PEX5: variants seen among roughly 807,000 people sequenced by gnomAD.
PEX5 encodes the protein peroxisomal biogenesis factor 5, also known as PTS1 receptor.
In PEX5, 52 loss-of-function variants were observed where a neutral mutation model predicts 82.9. The ratio of observed to expected loss-of-function variants is 0.63; its 90% CI spans 0.50 to 0.79. The LOEUF is 0.79. Among genes scored for constraint, PEX5 ranks in the 30% least tolerant of loss-of-function variants. The probability of loss-of-function intolerance (pLI) is 0.00; values close to 1 mark genes in which losing one functional copy is unlikely to be tolerated. For synonymous variants in PEX5, 300 were observed against 318.8 expected (o/e 0.94, Z 0.63); for missense variants, 719 against 815.2 (o/e 0.88, Z 1.44).
chr12:7,197,364 A>C lies in PEX5; in HGVS notation c.449-1647A>C, dbSNP rs1380035534. ...TATATATGTCATATACAATGTAATA[A>C]TTATATATGTCATATACAATGTAAT... On this transcript the variant is annotated intron_variant, in intron 5 of 15. Transcript: ENST00000675855. 5.8e-4 allele frequency among the ~76,000 whole-genome samples: 44 copies of C among 75,626 alleles called. No homozygotes were observed. The South Asian group carries it at 8.3e-3, about 14-fold the overall frequency. 49.6% of individuals were successfully genotyped at this position (75,626 alleles called of 152,430 possible).
In PEX5 at chr12:7,190,418, C is replaced by T. The variant is rs768332537; in HGVS notation, c.41C>T (p.Ala14Val). 2 of 1,614,188 alleles carry T rather than the reference C, an allele frequency of 1.2e-6. No individual in the cohort carries two copies. The highest frequency in any genetic ancestry group is 2.2e-5 in the East Asian group (1 of 44,860). ...RELVEAECGG[A>V]NPLMKLAGHF... ...CTGGTGGAGGCCGAATGCGGGGGTG[C>T]CAACCCGCTCATGAAGCTCGCCGGG... The change falls in exon 2 of 16, where the codon GCC (alanine) becomes GTC (valine). Residue 14 changes from alanine to valine, a missense_variant. Physicochemically the swap from Ala to Val is moderately conservative, Grantham distance 64. Coordinates refer to ENST00000675855, the MANE Select transcript of PEX5 (RefSeq NM_001351132.2).
chr12:7,202,607 C>G lies in PEX5; in HGVS notation c.754-5C>G. 2 of 1,612,878 alleles carry G rather than the reference C, an allele frequency of 1.2e-6. No individual in the cohort carries two copies. The highest frequency in any genetic ancestry group is 1.7e-6 in the Non-Finnish European group (2 of 1,179,034). On this transcript the variant is annotated splice_region_variant and splice_polypyrimidine_tract_variant and intron_variant, in intron 8 of 15. Coordinates refer to ENST00000675855, the MANE Select transcript of PEX5 (RefSeq NM_001351132.2). Reference sequence around the variant, plus strand: ...AGTGGTACTGACCATCCTTTTTTGTCGCAGGGTACATCAGATGCCTGGGTT... The same window carrying G: ...AGTGGTACTGACCATCCTTTTTTGTGGCAGGGTACATCAGATGCCTGGGTT...
rs765228249 is a variant in PEX5, at chr12:7,198,712, C to G, written c.449-299C>G. ...CGCTTCCTATTTCTTATTGAAATAT[C>G]TTGCACTTCAAGAAAAAGAGTTTGG... On this transcript the variant is annotated intron_variant, in intron 5 of 15. Coordinates refer to ENST00000675855, the MANE Select transcript of PEX5 (RefSeq NM_001351132.2). 1.2e-4 allele frequency among the ~76,000 whole-genome samples: 18 copies of G among 152,306 alleles called. 1 individual carries two copies. The highest frequency in any genetic ancestry group is 4.1e-4 in the African/African-American group (17 of 41,560).
At chr12:7,198,982 T>C (rs1329187256) in intron 5 of PEX5, 29 bp from the exon 6 acceptor site, 4 of 1,269,500 alleles carry the variant, frequency 3.2e-6, no homozygotes, top group Non-Finnish European at 4.6e-6. Context: ...TGAACCTGTG[T>C]GATTTCCCCA....
intron 5 of PEX5, among the ~76,000 whole-genome samples, chr12:7,194,821 T>C (rs1432889860): frequency 6.6e-6 from 1 of 152,230 alleles, no homozygotes; most frequent in African/African-American, 2.4e-5. Context: ...AGATCTTTTC[T>C]GGATGTTGGA....
Position 7,202,624 on chromosome 12 carries a change from G to A in PEX5, c.766G>A (p.Ala256Thr). ...TTTTTTGTCGCAGGGTACATCAGAT[G>A]CCTGGGTTGACCAGTTCACAAGACC... The part of the protein sequence containing the change: ...EFIQQQGTSD[A>T]WVDQFTRPVN... Residue 256 changes from alanine to threonine, a missense_variant, in exon 9 of 16, where the codon GCC becomes ACC. Coordinates refer to ENST00000675855, the MANE Select transcript of PEX5 (RefSeq NM_001351132.2). The A allele has an allele frequency of 1.2e-6, 2 of 1,614,058 alleles. No homozygotes were observed. Among genetic ancestry groups the A allele is most frequent in the Non-Finnish European group, 1.7e-6 (2 of 1,179,928 alleles).
chr12:7,208,683 G>T lies in PEX5; in HGVS notation c.1394+14G>T, dbSNP rs756329980. On this transcript the variant is annotated intron_variant, in intron 13 of 15. Coordinates refer to ENST00000675855, the MANE Select transcript of PEX5 (RefSeq NM_001351132.2). ...TCTCTTGTCTGAGTGAGTATGAGGG[G>T]TTCCTAGGATGAGGAATTACAGTAA... 7 of 1,599,692 alleles carry T rather than the reference G, an allele frequency of 4.4e-6. No individual in the cohort carries two copies. The highest frequency in any genetic ancestry group is 6.0e-6 in the Non-Finnish European group (7 of 1,167,412).
chr12:7,199,779 G>A (rs1383270085), intron 6 of PEX5, among the ~76,000 whole-genome samples: 2 of 151,110 alleles, frequency 1.3e-5, no homozygotes, highest in East Asian at 2.0e-4. Flanking sequence ...CAGTAGGGGC[G>A]GCCGGGCAGA....
rs140063691 is a variant in PEX5 at position 7,201,197 on chromosome 12, A to G, written c.552-554A>G. Among the ~76,000 whole-genome samples the G allele has an allele frequency of 3.5e-3, 526 of 152,106 alleles. 3 individuals carry two copies. Among genetic ancestry groups the G allele is most frequent in the African/African-American group, 0.012 (499 of 41,498 alleles). On this transcript the variant is annotated intron_variant, in intron 6 of 15. Coordinates refer to ENST00000675855, the MANE Select transcript of PEX5 (RefSeq NM_001351132.2). ...CACATATGTACACACGCATACATAC[A>G]CATACATGTGCACATACATGTATAT...
intron 6 of PEX5, among the ~76,000 whole-genome samples, chr12:7,200,671 C>T (rs868166185): frequency 0.011 from 1,717 of 152,212 alleles, 27 homozygotes; most frequent in African/African-American, 0.038. Flanking sequence ...GCGGATCACT[C>T]GCGGTTAGGA....
downstream of PEX5, among the ~76,000 whole-genome samples, chr12:7,215,964 ATT>A (rs201358645): frequency 6.6e-6 from 1 of 151,844 alleles, no homozygotes; most frequent in Non-Finnish European, 1.5e-5. Flanking sequence ...TATTAATTAA[ATT>A]AAAAAAAAAT....
Position 7,203,458 on chromosome 12 carries a change from G to T in PEX5, c.873G>T (p.Leu291Phe). 2 of 1,613,930 alleles carry T rather than the reference G, an allele frequency of 1.2e-6. No individual in the cohort carries two copies. Among genetic ancestry groups the T allele is most frequent in the Non-Finnish European group, 1.7e-6 (2 of 1,179,962 alleles). ...IESDVDFWDK[L>F]QAELEEMAKR... Reference sequence around the variant, plus strand: ...CTGATGTCGATTTCTGGGACAAGTTGCAGGCAGAGTTGGAGGAGATGGCAA... The same window carrying T: ...CTGATGTCGATTTCTGGGACAAGTTTCAGGCAGAGTTGGAGGAGATGGCAA... The change falls in exon 10 of 16, where the codon TTG (leucine) becomes TTT (phenylalanine). Residue 291 changes from leucine (L) to phenylalanine (F), a missense_variant. Leu to Phe is a conservative substitution (Grantham distance 22). Coordinates refer to ENST00000675855, the MANE Select transcript of PEX5 (RefSeq NM_001351132.2).
At chr12:7,198,314 G>GTATC (rs1322733892) in intron 5 of PEX5, among the ~76,000 whole-genome samples, 1 of 152,168 alleles carries the variant, frequency 6.6e-6, no homozygotes, top group Non-Finnish European at 1.5e-5. Context: ...TAAACGTTCT[G>GTATC]TATCTTGATC....
At chr12:7,193,310 T>A (rs1265789588) in intron 5 of PEX5, among the ~76,000 whole-genome samples, 2 of 150,492 alleles carry the variant, frequency 1.3e-5, no homozygotes, top group Non-Finnish European at 2.9e-5. Context: ...CTGTACGCAC[T>A]GCAACCTCTG....
At position 7,196,223 on chromosome 12, in the gene PEX5, CAT is replaced by C. The variant is rs765575879; in HGVS notation, c.449-2782_449-2781del. Among the ~76,000 whole-genome samples, 346 of 39,004 alleles carry C rather than the reference CAT, an allele frequency of 8.9e-3. 3 individuals are homozygous for C. The highest frequency in any genetic ancestry group is 0.036 in the Middle Eastern group (1 of 28). 25.6% of individuals were successfully genotyped at this position (39,004 alleles called of 152,430 possible). A position where few individuals can be genotyped will look rare whatever the true frequency, so the allele number is the denominator to read the frequency against. The stretch of plus-strand genomic sequence containing the variant: ...TATGTTATGTAATAATTATATATGT[CAT>C]ATATAATTTAATTATATGTCATATT... On this transcript the variant is annotated intron_variant, in intron 5 of 15. Transcript: ENST00000675855.
At chr12:7,209,945 C>A in intron 15 of PEX5, 77 bp from the exon 16 acceptor site, 1 of 1,592,130 alleles carries the variant, frequency 6.3e-7, no homozygotes, top group South Asian at 1.1e-5. Context: ...CTAGCTTTCT[C>A]CCTCCCACTG....
chr12:7,196,354 A>C (rs1475361563), intron 5 of PEX5, among the ~76,000 whole-genome samples: 2 of 137,240 alleles, frequency 1.5e-5, no homozygotes, highest in East Asian at 4.2e-4. Context: ...TATATAATTT[A>C]ATTATATATG....
At chr12:7,188,871 T>C (rs2135851795), upstream of PEX5, 1 of 152,474 alleles carries the variant, frequency 6.6e-6, no homozygotes, top group South Asian at 2.1e-4. Context: ...GCACACTCTT[T>C]GGCAGATGAG....
chr12:7,212,460 G>C (rs1945637883), downstream of PEX5, among the ~76,000 whole-genome samples: 1 of 21,040 alleles, frequency 4.8e-5, no homozygotes, highest in African/African-American at 1.4e-4. Flanking sequence ...CTCAAAAGCT[G>C]CCAGAAAAAA....
Sources: gnomAD v4.1 joint callset for allele counts (sites outside exome capture counted in the v4.1 genomes callset) on GRCh38, gnomAD v4.1.1 for gene constraint, MANE v1.5 for transcripts, NCBI Gene and HGNC (gene_info 2026-07-23, HGNC 2026-07-21) for gene names.